Variants in ATXN1 observed in about 807,000 individuals in gnomAD.
The protein encoded by ATXN1 is ataxin 1.
Under a neutral mutation model 56.4 loss-of-function variants are expected in ATXN1, and 8 were observed. The ratio of observed to expected loss-of-function variants is 0.14; its 90% CI spans 0.08 to 0.26. The LOEUF (loss-of-function observed/expected upper bound fraction) is 0.26. Among genes scored for constraint, ATXN1 ranks in the 10% least tolerant of loss-of-function variants. The pLI is 1.00. For missense variants in ATXN1, 987 were observed against 1,106.5 expected (o/e 0.89, Z 1.53); for synonymous variants, 514 against 494.6 (o/e 1.04, Z -0.52).
chr6:16,353,836 CCT>C (rs1455733646), intron 6 of ATXN1, among the ~76,000 whole-genome samples: 2 of 152,148 alleles, frequency 1.3e-5, no homozygotes, highest in East Asian at 3.8e-4. Context: ...GTGAGGGTCC[CCT>C]GAGTCGATAA....
chr6:16,601,712 G>A (rs1432992339), intron 3 of ATXN1, among the ~76,000 whole-genome samples: 1 of 152,076 alleles, frequency 6.6e-6, no homozygotes, highest in Non-Finnish European at 1.5e-5. Flanking sequence ...TATTAGTTGG[G>A]TGTGGTGGCG....
At chr6:16,542,360 C>G (rs1761731582) in intron 4 of ATXN1, among the ~76,000 whole-genome samples, 1 of 152,184 alleles carries the variant, frequency 6.6e-6, no homozygotes, top group East Asian at 1.9e-4. Flanking sequence ...GAGCACTATG[C>G]TTCAGTAAGG....
intron 3 of ATXN1, among the ~76,000 whole-genome samples, chr6:16,646,996 T>G (rs931721284): frequency 2.6e-5 from 4 of 152,068 alleles, no homozygotes; most frequent in Non-Finnish European, 5.9e-5. Context: ...TTTTTTTGTT[T>G]GTTTGTTTGT....
intron 3 of ATXN1, among the ~76,000 whole-genome samples, chr6:16,626,184 G>A (rs1377195432): frequency 6.6e-6 from 1 of 152,158 alleles, no homozygotes; most frequent in Non-Finnish European, 1.5e-5. Context: ...TCAATTAGCT[G>A]GCTGCATATT....
intron 2 of ATXN1, among the ~76,000 whole-genome samples, chr6:16,694,074 T>C (rs919075785): frequency 6.6e-6 from 1 of 152,188 alleles, no homozygotes; most frequent in African/African-American, 2.4e-5. Flanking sequence ...AAATAGACTT[T>C]TGTTCTTGCT....
intron 2 of ATXN1, among the ~76,000 whole-genome samples, chr6:16,734,596 C>A (rs1419130357): frequency 1.3e-5 from 2 of 152,194 alleles, no homozygotes; most frequent in South Asian, 4.1e-4. Context: ...CAGCCTCGAC[C>A]TCCCAGGTTC....
At position 16,304,496 on chromosome 6, in the gene ATXN1, T is replaced by A. The variant is rs1445456674; in HGVS notation, c.*1833A>T. On this transcript the variant is annotated 3_prime_UTR_variant, in exon 8 of 8. Transcript: ENST00000436367. Reference sequence around the variant, plus strand: ...ATAACAACAATAATAAAGTAATTGTTTAAAAAAAATCTTGCTCACATATAT... The same window carrying A: ...ATAACAACAATAATAAAGTAATTGTATAAAAAAAATCTTGCTCACATATAT... 3 of 152,544 alleles carry A rather than the reference T, an allele frequency of 2.0e-5. No homozygotes were observed. The highest frequency in any genetic ancestry group is 7.2e-5 in the African/African-American group (3 of 41,420). 9.4% of individuals were successfully genotyped at this position (152,544 alleles called of 1,614,324 possible).
At chr6:16,384,135 G>C (rs1758190723) in intron 6 of ATXN1, among the ~76,000 whole-genome samples, 1 of 152,214 alleles carries the variant, frequency 6.6e-6, no homozygotes, top group African/African-American at 2.4e-5. Context: ...TGGATGGCAA[G>C]ATTATTCAAT....
rs145182585 is a variant in ATXN1 at position 16,645,556 on chromosome 6, G to A, written c.-489+12220C>T. On this transcript the variant is annotated intron_variant, in intron 3 of 7. Transcript: ENST00000436367. The stretch of plus-strand genomic sequence containing the variant: ...TTCAATAGAGGGAGGGGTGGTGGCC[G>A]ACTACAGACCAAGGGTGAGGGAGCC... 1.0e-3 allele frequency among the ~76,000 whole-genome samples: 159 copies of A among 152,172 alleles called. 1 individual carries two copies. The highest frequency in any genetic ancestry group is 2.8e-3 in the African/African-American group (115 of 41,512).
chr6:16,574,614 A>G (rs936703567), intron 4 of ATXN1, among the ~76,000 whole-genome samples: 2 of 152,192 alleles, frequency 1.3e-5, no homozygotes, highest in African/African-American at 4.8e-5. Context: ...CTAAGTGTCA[A>G]CTAGGTTTTT....
At chr6:16,755,263 G>A (rs991191603) in intron 1 of ATXN1, among the ~76,000 whole-genome samples, 14 of 152,158 alleles carry the variant, frequency 9.2e-5, no homozygotes, top group African/African-American at 3.4e-4. Context: ...GGATAATACA[G>A]AGAGTTTACA....
intron 4 of ATXN1, among the ~76,000 whole-genome samples, chr6:16,555,485 T>C (rs907306304): frequency 3.3e-5 from 5 of 152,176 alleles, no homozygotes. Context: ...TGCTACCATA[T>C]GTCAAACTCA....
intron 4 of ATXN1, among the ~76,000 whole-genome samples, chr6:16,533,168 C>T (rs1210579065): frequency 6.6e-6 from 1 of 152,036 alleles, no homozygotes. Context: ...GTACTTAATG[C>T]CACTGAACTG....
intron 6 of ATXN1, among the ~76,000 whole-genome samples, chr6:16,343,050 A>G (rs1003805764): frequency 3.3e-5 from 5 of 152,226 alleles, no homozygotes; most frequent in African/African-American, 9.6e-5. Context: ...ATTTTTAAAA[A>G]TAAGTATGTC....
At chr6:16,462,891 T>A (rs1760028063) in intron 6 of ATXN1, among the ~76,000 whole-genome samples, 1 of 151,984 alleles carries the variant, frequency 6.6e-6, no homozygotes, top group African/African-American at 2.4e-5. Context: ...CCAAAAATCA[T>A]CACCTCCTCC....
intron 6 of ATXN1, among the ~76,000 whole-genome samples, chr6:16,362,701 T>A (rs1761836271): frequency 6.6e-6 from 1 of 151,738 alleles, no homozygotes; most frequent in Admixed American, 6.6e-5. Flanking sequence ...TTGCAGAATA[T>A]AATGTGAACA....
intron 4 of ATXN1, among the ~76,000 whole-genome samples, chr6:16,572,202 T>G (rs1200215225): frequency 2.0e-5 from 3 of 152,174 alleles, no homozygotes; most frequent in Non-Finnish European, 4.4e-5. Flanking sequence ...CCACTTACAA[T>G]TAACTATAAA....
intron 2 of ATXN1, among the ~76,000 whole-genome samples, chr6:16,700,797 G>A (rs541851615): frequency 8.2e-4 from 125 of 152,092 alleles, no homozygotes; most frequent in Non-Finnish European, 1.5e-3. Context: ...GTAAGCAGAC[G>A]TGCTGCTTTT....
intron 6 of ATXN1, among the ~76,000 whole-genome samples, chr6:16,359,724 C>A (rs1351499956): frequency 1.3e-5 from 2 of 152,202 alleles, no homozygotes; most frequent in Non-Finnish European, 2.9e-5. Flanking sequence ...CTTCACATGT[C>A]TGTGTACCTC....
Sources: allele counts gnomAD v4.1 joint callset (sites outside exome capture counted in the v4.1 genomes callset), GRCh38; gene constraint gnomAD v4.1.1; transcripts MANE v1.5; gene names NCBI Gene and HGNC (gene_info 2026-07-23, HGNC 2026-07-21).